Variants in RERE observed in about 807,000 individuals in gnomAD.
RERE encodes the protein arginine-glutamic acid dipeptide repeats protein.
RERE carries 40 observed loss-of-function variants against 146.1 expected under a neutral mutation model. The observed-to-expected ratio is 0.27, with a 90% confidence interval of 0.21 to 0.36. The LOEUF is 0.36. Ranked by LOEUF, RERE falls within the 10% of genes least tolerant of loss-of-function variation. RERE has a pLI of 1.00. For missense variants in RERE, 1,933 were observed against 2,138.7 expected, an observed-to-expected ratio of 0.90 and a Z score of 1.90; for synonymous variants, 1,003 against 866.0, an observed-to-expected ratio of 1.16 and a Z score of -2.78.
chr1:8,718,448 C>G (rs1233729921), intron 1 of RERE, among the ~76,000 whole-genome samples: 7 of 152,224 alleles, frequency 4.6e-5, no homozygotes, highest in African/African-American at 1.4e-4. Flanking sequence ...CCTTCTATTT[C>G]ATGAGAAAAG....
chr1:8,404,404 T>C (rs1401908774), intron 12 of RERE, among the ~76,000 whole-genome samples: 2 of 151,380 alleles, frequency 1.3e-5, no homozygotes, highest in East Asian at 3.9e-4. Flanking sequence ...GGCGACATAG[T>C]GAGACTCTGT....
At chr1:8,512,082 A>G (rs577492540) in intron 7 of RERE, among the ~76,000 whole-genome samples, 48 of 118,252 alleles carry the variant, frequency 4.1e-4, no homozygotes, top group South Asian at 1.8e-3. Context: ...GCCGGACTGC[A>G]GACTGCAGTG....
intron 8 of RERE, among the ~76,000 whole-genome samples, chr1:8,502,727 A>C (rs1019128778): frequency 6.7e-6 from 1 of 149,902 alleles, no homozygotes; most frequent in Non-Finnish European, 1.5e-5. Context: ...GAGACTTTTC[A>C]TTTTGTTCTG....
At chr1:8,772,195 T>C (rs1239690600) in intron 1 of RERE, among the ~76,000 whole-genome samples, 1 of 152,160 alleles carries the variant, frequency 6.6e-6, no homozygotes, top group Non-Finnish European at 1.5e-5. Context: ...AACTGTTTTA[T>C]ATTGAAATAT....
chr1:8,445,721 G>A (rs537193588), intron 11 of RERE, among the ~76,000 whole-genome samples: 3 of 151,802 alleles, frequency 2.0e-5, no homozygotes, highest in African/African-American at 7.3e-5. Flanking sequence ...TGGGCAGAAC[G>A]TGCAGGTTTG....
rs538187996 is a variant in RERE, at chr1:8,451,126, A to G, written c.1203+14799T>C. ...GGCTTAACTATCCATTATGTCAACA[A>G]TGCAGTCAATACTCACTACCTCAGC... On this transcript the variant is annotated intron_variant, in intron 11 of 22. Transcript: ENST00000400908. Among the ~76,000 whole-genome samples the G allele has an allele frequency of 3.3e-4, 50 of 152,298 alleles. 2 individuals are homozygous for G. The highest frequency in any genetic ancestry group is 2.7e-3 in the Admixed American group (42 of 15,310).
intron 7 of RERE, among the ~76,000 whole-genome samples, chr1:8,518,519 A>G (rs1449808082): frequency 6.6e-6 from 1 of 152,246 alleles, no homozygotes; most frequent in Non-Finnish European, 1.5e-5. Context: ...TAGAAACGCT[A>G]CTTAGTACAC....
At chr1:8,618,968 C>G (rs1467983456) in intron 3 of RERE, among the ~76,000 whole-genome samples, 1 of 152,190 alleles carries the variant, frequency 6.6e-6, no homozygotes, top group African/African-American at 2.4e-5. Flanking sequence ...TAGTGAGTAG[C>G]AAACAACTTA....
At chr1:8,475,329 G>A (rs966289383) in intron 10 of RERE, among the ~76,000 whole-genome samples, 20 of 148,756 alleles carry the variant, frequency 1.3e-4, no homozygotes, top group Non-Finnish European at 1.2e-4. Flanking sequence ...AGCCGAGACC[G>A]CGCCACTGCA....
chr1:8,793,946 G>C lies in RERE; in HGVS notation c.-145+23214C>G, dbSNP rs187437288. ...CCAAATGTGGTGGCTCATGCCTGTA[G>C]TCCCACCTACTCAGGAGAGGCTGAG... On this transcript the variant is annotated intron_variant, in intron 1 of 22. Transcript: ENST00000400908. Among the ~76,000 whole-genome samples, 443 of 151,746 alleles carry C rather than the reference G, an allele frequency of 2.9e-3. 3 individuals carry two copies. Among genetic ancestry groups the C allele is most frequent in the African/African-American group, 0.01 (422 of 41,378 alleles).
intron 2 of RERE, among the ~76,000 whole-genome samples, chr1:8,650,490 C>T (rs1570564691): frequency 6.6e-6 from 1 of 152,142 alleles, no homozygotes; most frequent in African/African-American, 2.4e-5. Context: ...CACTTGGAAG[C>T]GGTGGTTCAC....
chr1:8,545,407 G>A (rs1177471859), intron 6 of RERE, among the ~76,000 whole-genome samples: 2 of 152,120 alleles, frequency 1.3e-5, no homozygotes, highest in African/African-American at 4.8e-5. Flanking sequence ...TATATGAAAA[G>A]GATGAAGAAG....
At chr1:8,409,343 C>T (rs1007854276) in intron 12 of RERE, among the ~76,000 whole-genome samples, 4 of 152,204 alleles carry the variant, frequency 2.6e-5, no homozygotes, top group Non-Finnish European at 4.4e-5. Flanking sequence ...ATACTACCTA[C>T]TCAGATGGAA....
At chr1:8,584,659 G>A (rs1284998100) in intron 4 of RERE, among the ~76,000 whole-genome samples, 5 of 152,146 alleles carry the variant, frequency 3.3e-5, no homozygotes, top group African/African-American at 1.2e-4. Flanking sequence ...GAAGAACTAA[G>A]ACTAAATGAG....
intron 2 of RERE, among the ~76,000 whole-genome samples, chr1:8,629,608 G>A (rs1647011685): frequency 1.3e-5 from 2 of 152,122 alleles, no homozygotes; most frequent in Non-Finnish European, 2.9e-5. Flanking sequence ...TAGGCAGTGT[G>A]TCATTATGAA....
intron 12 of RERE, among the ~76,000 whole-genome samples, chr1:8,419,748 C>G (rs1430464927): frequency 6.6e-6 from 1 of 152,108 alleles, no homozygotes; most frequent in Non-Finnish European, 1.5e-5. Context: ...TTTACAAACG[C>G]AGAAATTAAA....
intron 2 of RERE, among the ~76,000 whole-genome samples, chr1:8,647,902 T>C (rs918720845): frequency 1.3e-5 from 2 of 152,230 alleles, no homozygotes; most frequent in Admixed American, 6.5e-5. Flanking sequence ...AGTAACTTGA[T>C]TGAATGGAAA....
chr1:8,421,085 C>G lies in RERE; in HGVS notation c.1284+1642G>C, dbSNP rs543237316. ...AATTTAGATTTAATGCTTAATCTTCCAATTATGAATTTATTTTTTAAAACT... is the reference window on the plus strand; with the variant it reads ...AATTTAGATTTAATGCTTAATCTTCGAATTATGAATTTATTTTTTAAAACT... On this transcript the variant is annotated intron_variant, in intron 12 of 22. Transcript: ENST00000400908. 5.3e-5 allele frequency among the ~76,000 whole-genome samples: 8 copies of G among 152,254 alleles called. No individual in the cohort carries two copies. In the South Asian group the frequency reaches 1.5e-3, roughly 28 times the overall value.
At position 8,497,518 on chromosome 1, in the gene RERE, T is replaced by C. The variant is rs764598462; in HGVS notation, c.891A>G (p.Pro297=). ...RVGPSHQAKL[P]DLQPFPSPDG... is the part of the protein sequence containing the mutation. The stretch of plus-strand genomic sequence containing the variant: ...CTGGAGAAGGAAATGGTTGCAGATC[T>C]GGAAGTTTGGCCTGTAAGACAGGGA... Residue 297 remains proline, a synonymous_variant, in exon 9 of 23, where the codon CCA becomes CCG. Coordinates refer to ENST00000400908, the MANE Select transcript of RERE (RefSeq NM_001042681.2). The C allele has an allele frequency of 6.2e-7, 1 of 1,614,146 alleles. No homozygotes were observed. Among genetic ancestry groups the C allele is most frequent in the South Asian group, 1.1e-5 (1 of 91,088 alleles).
Sources: allele counts gnomAD v4.1 joint callset (sites outside exome capture counted in the v4.1 genomes callset), GRCh38; gene constraint gnomAD v4.1.1; transcripts MANE v1.5; gene names NCBI Gene and HGNC (gene_info 2026-07-23, HGNC 2026-07-21).